MARCHF10: variants seen among roughly 807,000 people sequenced by gnomAD.
The protein encoded by MARCHF10 is membrane associated ring-CH-type finger 10, also known as probable E3 ubiquitin-protein ligase MARCHF10.
MARCHF10 carries 64 observed loss-of-function variants against 76.2 expected under a neutral mutation model. The observed-to-expected ratio is 0.84, with a 90% confidence interval of 0.69 to 1.03. The LOEUF is 1.03. Among genes scored for constraint, MARCHF10 ranks in the 50% least tolerant of loss-of-function variants. The probability of loss-of-function intolerance (pLI) is 0.00; values close to 1 mark genes in which losing one functional copy is unlikely to be tolerated. For synonymous variants in MARCHF10, 340 were observed against 357.5 expected, an observed-to-expected ratio of 0.95 and a Z score of 0.55; for missense variants, 875 against 958.0, an observed-to-expected ratio of 0.91 and a Z score of 1.14.
intron 6 of MARCHF10, among the ~76,000 whole-genome samples, chr17:62,734,184 G>GA (rs1008098070): frequency 5.6e-4 from 82 of 147,568 alleles, no homozygotes; most frequent in Non-Finnish European, 7.8e-4. Context: ...ACTCCCTCAA[G>GA]AAAAAAAAAC....
intron 3 of MARCHF10, among the ~76,000 whole-genome samples, chr17:62,782,872 C>T (rs2092683620): frequency 1.3e-5 from 2 of 152,172 alleles, no homozygotes; most frequent in Admixed American, 1.3e-4. Context: ...CATTCAGTGA[C>T]ACTTCCTCTC....
chr17:62,765,595 G>A (rs2092311179), intron 3 of MARCHF10, among the ~76,000 whole-genome samples: 1 of 152,122 alleles, frequency 6.6e-6, no homozygotes, highest in South Asian at 2.1e-4. Context: ...CCCTCTGAAG[G>A]AGAGGCATGT....
chr17:62,720,009 C>T (rs906706923), intron 8 of MARCHF10, among the ~76,000 whole-genome samples: 2 of 152,214 alleles, frequency 1.3e-5, no homozygotes, highest in African/African-American at 4.8e-5. Flanking sequence ...TTTTTCACCT[C>T]TATCATTTCT....
intron 2 of MARCHF10, 150 bp from the exon 3 acceptor site, chr17:62,788,749 T>C (rs1277649962): frequency 8.6e-7 from 1 of 1,164,416 alleles, no homozygotes; most frequent in East Asian, 2.5e-5. Flanking sequence ...AAAGACCAGG[T>C]ATCACTCTTC....
intron 6 of MARCHF10, 169 bp downstream of exon 6, chr17:62,735,762 A>G (rs2091233679): frequency 3.3e-6 from 2 of 613,796 alleles, no homozygotes; most frequent in Admixed American, 3.5e-5. Flanking sequence ...ATAAATACGT[A>G]TATTTTAAGA....
At chr17:62,748,701 C>T (rs2091793760) in intron 4 of MARCHF10, among the ~76,000 whole-genome samples, 1 of 152,148 alleles carries the variant, frequency 6.6e-6, no homozygotes, top group Non-Finnish European at 1.5e-5. Flanking sequence ...GCTGTGTTTG[C>T]ACCACTGCAC....
intron 10 of MARCHF10, among the ~76,000 whole-genome samples, chr17:62,704,734 C>G (rs964335995): frequency 6.6e-6 from 1 of 152,180 alleles, no homozygotes. Context: ...GGTGAGTTCC[C>G]GGGTGATTCT....
chr17:62,766,068 C>T (rs1408219617), intron 3 of MARCHF10, among the ~76,000 whole-genome samples: 1 of 151,752 alleles, frequency 6.6e-6, no homozygotes, highest in Non-Finnish European at 1.5e-5. Flanking sequence ...TGGTGGTGTG[C>T]ACTCATATTC....
At chr17:62,789,194 G>A (rs1006924018) in intron 2 of MARCHF10, among the ~76,000 whole-genome samples, 5 of 152,032 alleles carry the variant, frequency 3.3e-5, no homozygotes, top group Admixed American at 3.3e-4. Context: ...CCTTCTCAAG[G>A]AGGGCAGCAC....
At chr17:62,766,364 G>C (rs2092331818) in intron 3 of MARCHF10, among the ~76,000 whole-genome samples, 1 of 152,134 alleles carries the variant, frequency 6.6e-6, no homozygotes, top group Non-Finnish European at 1.5e-5. Flanking sequence ...GCTGGGCATG[G>C]TGGTGCATGC....
At chr17:62,705,224 T>A in intron 10 of MARCHF10, 1 of 1,307,152 alleles carries the variant, frequency 7.7e-7, no homozygotes, top group Non-Finnish European at 9.8e-7. Flanking sequence ...ACTCTCCAAG[T>A]GCTGGACGCT....
In MARCHF10 at chr17:62,737,024, A is replaced by G. The variant is rs754702794; in HGVS notation, c.844T>C (p.Leu282=). The G allele has an allele frequency of 1.2e-5, 20 of 1,613,942 alleles. No individual in the cohort carries two copies. The highest frequency in any genetic ancestry group is 4.2e-6 in the Non-Finnish European group (5 of 1,180,032). Residue 282 remains leucine, a synonymous_variant, in exon 6 of 11, where the codon TTG becomes CTG. Coordinates refer to ENST00000311269, the MANE Select transcript of MARCHF10 (RefSeq NM_152598.4). ...RDEDFYSILS[L]NSRRESDDTE... Reference sequence around the variant, plus strand: ...TCATCGCTTTCTCTTCTGCTGTTCAATGACAAAATGGAATAAAAGTCTTCA... The same window carrying G: ...TCATCGCTTTCTCTTCTGCTGTTCAGTGACAAAATGGAATAAAAGTCTTCA...
At position 62,736,427 on chromosome 17, in the gene MARCHF10, G is replaced by C. The variant is rs2091266344; in HGVS notation, c.1441C>G (p.Leu481Val). ...AAGTCTACTGGAATATCATCTCTCA[G>C]AGCAGAATGCATGAATGATGCAGGA... ...NPPASFMHSALRDDIPVDLSM... is the reference protein window; with the variant it reads ...NPPASFMHSAVRDDIPVDLSM... Residue 481 changes from leucine to valine, a missense_variant, in exon 6 of 11, where the codon CTG becomes GTG. Physicochemically the swap from Leu to Val is conservative, Grantham distance 32 (BLOSUM62 1). Coordinates refer to ENST00000311269, the MANE Select transcript of MARCHF10 (RefSeq NM_152598.4). The C allele has an allele frequency of 6.2e-7, 1 of 1,614,136 alleles. No homozygotes were observed. Among genetic ancestry groups the C allele is most frequent in the East Asian group, 2.2e-5 (1 of 44,888 alleles).
At position 62,701,807 on chromosome 17, in the gene MARCHF10, G is replaced by A. The variant is rs538354576; in HGVS notation, c.2372-49C>T. 6.8e-6 allele frequency: 11 copies of A among 1,612,342 alleles called. 1 individual carries two copies. The South Asian group carries it at 7.7e-5, about 11-fold the overall frequency. ...GGCTGGAGGGCCGCAGCAGACCGTG[G>A]GTCTGTTACAGGGGGCACGGCACTG... On this transcript the variant is annotated intron_variant, in intron 10 of 10. Transcript: ENST00000311269.
chr17:62,793,785 A>G (rs1323362469), intron 2 of MARCHF10, among the ~76,000 whole-genome samples: 3 of 144,780 alleles, frequency 2.1e-5, no homozygotes, highest in African/African-American at 7.8e-5. Context: ...CATCAGCACC[A>G]CAACCATTAC....
At chr17:62,713,202 C>T (rs1361921708) in intron 8 of MARCHF10, among the ~76,000 whole-genome samples, 8 of 152,180 alleles carry the variant, frequency 5.3e-5, no homozygotes, top group Non-Finnish European at 2.9e-5. Flanking sequence ...ACCTCATCCC[C>T]GGCTTCCTCC....
Position 62,737,260 on chromosome 17 carries a change from A to T in MARCHF10, c.608T>A (p.Leu203Ter). 6.2e-7 allele frequency: 1 copy of T among 1,613,794 alleles called. No homozygotes were observed. Residue 203 changes from leucine (L) to a stop codon, truncating the protein, a stop_gained, in exon 6 of 11, where the codon TTG becomes TAG. Transcript: ENST00000311269. LOFTEE classifies it high-confidence loss of function. ...AGTCATTGGCTGTGACGATGGGACCAAGTTTCTTCTCTCTTGATTTGGCCT... is the reference window on the plus strand; with the variant it reads ...AGTCATTGGCTGTGACGATGGGACCTAGTTTCTTCTCTCTTGATTTGGCCT... ...LKRPNQERRN[L>*]VPSSQPMTEN...
chr17:62,774,373 C>T (rs1286240281), intron 3 of MARCHF10, among the ~76,000 whole-genome samples: 1 of 152,078 alleles, frequency 6.6e-6, no homozygotes, highest in Non-Finnish European at 1.5e-5. Context: ...AGAGACTGAA[C>T]TGCCTGCCAA....
chr17:62,731,686 C>A (rs754720772), intron 6 of MARCHF10, among the ~76,000 whole-genome samples: 1 of 152,186 alleles, frequency 6.6e-6, no homozygotes, highest in South Asian at 2.1e-4. Flanking sequence ...TCCTGAAGCA[C>A]AATTTGACAA....
Sources: gnomAD v4.1 joint callset for allele counts (sites outside exome capture counted in the v4.1 genomes callset) on GRCh38, gnomAD v4.1.1 for gene constraint, MANE v1.5 for transcripts, NCBI Gene and HGNC (gene_info 2026-07-23, HGNC 2026-07-21) for gene names.